The following KCNAB1 variants were observed in gnomAD, a reference collection of about 807,000 sequenced individuals.
KCNAB1 encodes the protein voltage-gated potassium channel subunit beta-1.
A neutral mutation model predicts 64.6 loss-of-function variants in KCNAB1; 35 were observed. The observed-to-expected ratio is 0.54, with a 90% confidence interval of 0.41 to 0.72. The LOEUF (loss-of-function observed/expected upper bound fraction) is 0.72, where lower values mean the gene tolerates loss of function less well. Among genes scored for constraint, KCNAB1 ranks in the 30% least tolerant of loss-of-function variants. The pLI, the probability that KCNAB1 is intolerant of heterozygous loss-of-function variation, is 0.00. For missense variants in KCNAB1, 401 were observed against 512.9 expected (o/e 0.78, Z 2.11); for synonymous variants, 177 against 183.8 (o/e 0.96, Z 0.30).
Position 156,158,017 on chromosome 3 carries a change from T to A in KCNAB1, c.275+37131T>A, listed in dbSNP as rs1577652033. Among the ~76,000 whole-genome samples the A allele has an allele frequency of 2.0e-5, 3 of 151,712 alleles. 1 individual carries two copies. In the South Asian group the frequency reaches 6.3e-4, roughly 32 times the overall value. On this transcript the variant is annotated intron_variant, in intron 1 of 13. Coordinates refer to ENST00000490337, the MANE Select transcript of KCNAB1 (RefSeq NM_172160.3). ...TCTCTACTAAAAATACAAAAAAAAT[T>A]AGCCGGGTGCGGTGGCTGGTGCCTG...
At chr3:156,444,073 GA>G (rs1717223902) in intron 2 of KCNAB1, among the ~76,000 whole-genome samples, 1 of 152,206 alleles carries the variant, frequency 6.6e-6, no homozygotes, top group Non-Finnish European at 1.5e-5. Context: ...AGCCAAAAAT[GA>G]AAGACCAGGC....
chr3:156,523,778 A>G, intron 11 of KCNAB1, 49 bp from the exon 12 acceptor site: 2 of 1,554,298 alleles, frequency 1.3e-6, no homozygotes, highest in Non-Finnish European at 1.8e-6. Flanking sequence ...ATTCTTTGAC[A>G]TCAGATCTTT....
rs142056066 is a variant in KCNAB1 at position 156,515,221 on chromosome 3, G to A, written c.865+1G>A. ...CTGCCAGAGCTCTACCACAAAATAG[G>A]TAATCTTCAAAATAAAAGCTACTGA... On this transcript the variant is annotated splice_donor_variant, in intron 10 of 13. Transcript: ENST00000490337. LOFTEE classifies it high-confidence loss of function. The A allele has an allele frequency of 1.5e-5, 24 of 1,602,170 alleles. No homozygotes were observed. The highest frequency in any genetic ancestry group is 2.0e-5 in the Non-Finnish European group (24 of 1,176,374).
At chr3:156,434,260 G>A (rs1716432390) in intron 2 of KCNAB1, among the ~76,000 whole-genome samples, 2 of 152,210 alleles carry the variant, frequency 1.3e-5, no homozygotes, top group Admixed American at 1.3e-4. Context: ...TGGTCACAGT[G>A]CAGATGGCAA....
At chr3:156,340,987 T>A (rs1364068360) in intron 1 of KCNAB1, among the ~76,000 whole-genome samples, 3 of 152,218 alleles carry the variant, frequency 2.0e-5, no homozygotes, top group Admixed American at 2.0e-4. Context: ...ATTGGTTTTA[T>A]CGAATGACTA....
At chr3:156,152,389 C>T (rs955718259) in intron 1 of KCNAB1, among the ~76,000 whole-genome samples, 2 of 152,174 alleles carry the variant, frequency 1.3e-5, no homozygotes, top group Non-Finnish European at 2.9e-5. Context: ...TCCCAAGAGG[C>T]TGAAGTGGCA....
intron 1 of KCNAB1, among the ~76,000 whole-genome samples, chr3:156,372,751 T>C (rs1244990497): frequency 6.6e-6 from 1 of 152,182 alleles, no homozygotes; most frequent in African/African-American, 2.4e-5. Context: ...CAGAGATAAA[T>C]TGGAAATTTG....
In KCNAB1 at chr3:156,181,819, G is replaced by T. The variant is rs1219180396; in HGVS notation, c.275+60933G>T. 5.3e-5 allele frequency among the ~76,000 whole-genome samples: 8 copies of T among 152,292 alleles called. No individual in the cohort carries two copies. The South Asian group carries it at 8.3e-4, about 16-fold the overall frequency. ...GAAAGAGGAAAGGCAGTGAGGTGGG[G>T]TAGGGGGAGTAAAGACGTTGAACTC... On this transcript the variant is annotated intron_variant, in intron 1 of 13. Coordinates refer to ENST00000490337, the MANE Select transcript of KCNAB1 (RefSeq NM_172160.3).
chr3:156,271,375 A>G (rs573087521), intron 1 of KCNAB1, among the ~76,000 whole-genome samples: 1 of 151,490 alleles, frequency 6.6e-6, no homozygotes, highest in Non-Finnish European at 1.5e-5. Flanking sequence ...ATTCTTTTTT[A>G]TTCATTTTCT....
At chr3:156,363,800 A>G (rs1725774565) in intron 1 of KCNAB1, among the ~76,000 whole-genome samples, 1 of 152,194 alleles carries the variant, frequency 6.6e-6, no homozygotes, top group Non-Finnish European at 1.5e-5. Flanking sequence ...TATTATAGTT[A>G]GGGATGTTTA....
chr3:156,305,881 G>A (rs1053577058), intron 1 of KCNAB1, among the ~76,000 whole-genome samples: 4 of 152,180 alleles, frequency 2.6e-5, no homozygotes, highest in Admixed American at 2.6e-4. Flanking sequence ...TGTGTGTGGG[G>A]TCCTTGGGAG....
At chr3:156,431,689 A>C (rs1716221124) in intron 2 of KCNAB1, among the ~76,000 whole-genome samples, 1 of 152,246 alleles carries the variant, frequency 6.6e-6, no homozygotes, top group African/African-American at 2.4e-5. Context: ...AGCCAACAGA[A>C]AACCCAGCTC....
chr3:156,191,440 T>C (rs913814259), intron 1 of KCNAB1, among the ~76,000 whole-genome samples: 1 of 152,244 alleles, frequency 6.6e-6, no homozygotes, highest in African/African-American at 2.4e-5. Context: ...CTTCCTTGTA[T>C]GGACTTTTAA....
chr3:156,365,639 T>C (rs892270921), intron 1 of KCNAB1, among the ~76,000 whole-genome samples: 2 of 152,232 alleles, frequency 1.3e-5, no homozygotes, highest in Non-Finnish European at 2.9e-5. Context: ...GGCTGTGTGT[T>C]GTGCTCTTTT....
At chr3:156,423,717 T>A (rs1715621626) in intron 2 of KCNAB1, among the ~76,000 whole-genome samples, 1 of 152,154 alleles carries the variant, frequency 6.6e-6, no homozygotes, top group Non-Finnish European at 1.5e-5. Flanking sequence ...TTACATAAGA[T>A]GATAAAAAGA....
intron 7 of KCNAB1, among the ~76,000 whole-genome samples, chr3:156,472,208 AC>A (rs1296105712): frequency 6.6e-6 from 1 of 151,986 alleles, no homozygotes; most frequent in Non-Finnish European, 1.5e-5. Flanking sequence ...TAATCTCCAC[AC>A]CCTATGTCCA....
intron 3 of KCNAB1, among the ~76,000 whole-genome samples, chr3:156,455,639 C>T (rs969698534): frequency 6.6e-6 from 1 of 151,954 alleles, no homozygotes; most frequent in Non-Finnish European, 1.5e-5. Context: ...TCAGGTTAAC[C>T]CATAAAAGAA....
chr3:156,163,988 T>C (rs745828102), intron 1 of KCNAB1, among the ~76,000 whole-genome samples: 2 of 152,228 alleles, frequency 1.3e-5, no homozygotes, highest in African/African-American at 4.8e-5. Flanking sequence ...TGCATACTAA[T>C]GTGCAAGAGT....
At chr3:156,126,967 C>T (rs1401991941) in intron 1 of KCNAB1, among the ~76,000 whole-genome samples, 2 of 152,180 alleles carry the variant, frequency 1.3e-5, no homozygotes, top group East Asian at 1.9e-4. Flanking sequence ...ATTGGAGATG[C>T]CAAAAGTAGG....
Sources: gnomAD v4.1 joint callset for allele counts (sites outside exome capture counted in the v4.1 genomes callset) on GRCh38, gnomAD v4.1.1 for gene constraint, MANE v1.5 for transcripts, NCBI Gene and HGNC (gene_info 2026-07-23, HGNC 2026-07-21) for gene names.